Variants in CELF2 observed in about 807,000 individuals in gnomAD.
CELF2 encodes the protein CUG triplet repeat RNA-binding protein 2.
A neutral mutation model predicts 62.6 loss-of-function variants in CELF2; 8 were observed. The ratio of observed to expected loss-of-function variants is 0.13; its 90% CI spans 0.07 to 0.23. CELF2 has a LOEUF of 0.23. CELF2 is among the 10% of genes least tolerant of loss of function. CELF2 has a pLI of 1.00. For missense variants in CELF2, 333 were observed against 671.0 expected (o/e 0.50, Z 5.56); for synonymous variants, 258 against 250.0 (o/e 1.03, Z -0.30).
rs901213628 is a variant in CELF2, at chr10:11,333,560, T to TA, written c.*4514dup. Reference sequence around the variant, plus strand: ...GCTAATTAAAAAAAAAATAAAATTTTAAAAAAACCTGTAGTTTCATTACCT... The same window carrying TA: ...GCTAATTAAAAAAAAAATAAAATTTTAAAAAAAACCTGTAGTTTCATTACCT... On this transcript the variant is annotated 3_prime_UTR_variant, in exon 13 of 13. Transcript: ENST00000633077. 9 of 152,314 alleles carry TA rather than the reference T, an allele frequency of 5.9e-5. No homozygotes were observed. The highest frequency in any genetic ancestry group is 1.7e-4 in the African/African-American group (7 of 41,448). 9.4% of individuals were successfully genotyped at this position (152,314 alleles called of 1,614,324 possible).
chr10:11,216,817 T>C (rs2063483922), intron 2 of CELF2, among the ~76,000 whole-genome samples: 1 of 152,244 alleles, frequency 6.6e-6, no homozygotes, highest in South Asian at 2.1e-4. Flanking sequence ...TGTTTGGGCA[T>C]GTACCCATCT....
intron 1 of CELF2, among the ~76,000 whole-genome samples, chr10:10,907,406 A>T (rs536664834): frequency 6.6e-6 from 1 of 152,358 alleles, no homozygotes; most frequent in East Asian, 1.9e-4. Flanking sequence ...TTTTAAAAAA[A>T]GTTTTATTAC....
the CELF2 span, among the ~76,000 whole-genome samples, chr10:10,748,887 G>A: frequency 2.6e-5 from 4 of 152,160 alleles, no homozygotes; most frequent in African/African-American, 9.7e-5. Flanking sequence ...ACAGATGTGG[G>A]TGAATTGGAA....
intron 9 of CELF2, among the ~76,000 whole-genome samples, chr10:11,293,518 G>T (rs1486884738): frequency 6.6e-6 from 1 of 152,210 alleles, no homozygotes; most frequent in Admixed American, 6.5e-5. Flanking sequence ...TTCCTGAGGA[G>T]CTGTCGGGCT....
chr10:10,755,594 C>G, the CELF2 span, among the ~76,000 whole-genome samples: 156 of 152,208 alleles, frequency 1.0e-3, 6 homozygotes, highest in Admixed American at 0.01. Context: ...ACAAATGGTC[C>G]AAAGGGAAAA....
At position 10,936,896 on chromosome 10, in the gene CELF2, A is replaced by G. The variant is rs764432438; in HGVS notation, c.89+16897A>G. ...AATTCTGTATTTCTGACAAGCTCCC[A>G]CGGGGTTTCTGATGATTCTGGTCCT... On this transcript the variant is annotated intron_variant, in intron 2 of 13. Transcript: ENST00000636488. This position sits in a 1 kb window ranked among gnomAD's most constrained non-coding sequence, Gnocchi z 4.0. 6.6e-6 allele frequency among the ~76,000 whole-genome samples: 1 copy of G among 152,144 alleles called. No individual in the cohort carries two copies. Among genetic ancestry groups the G allele is most frequent in the Admixed American group, 6.5e-5 (1 of 15,278 alleles).
chr10:11,309,261 C>A lies in CELF2; in HGVS notation c.977-4878C>A, dbSNP rs1375847793. On this transcript the variant is annotated intron_variant, in intron 9 of 12. Transcript: ENST00000633077. This position sits in a 1 kb window ranked among gnomAD's most constrained non-coding sequence, Gnocchi z 5.6. ...GTTACAGCACTTCTGGGTGCTAATC[C>A]TCCTTACCCACTGCACATCACCCCT... Among the ~76,000 whole-genome samples, 1 of 152,190 alleles carries A rather than the reference C, an allele frequency of 6.6e-6. No homozygotes were observed. The highest frequency in any genetic ancestry group is 1.5e-5 in the Non-Finnish European group (1 of 68,046).
intron 2 of CELF2, among the ~76,000 whole-genome samples, chr10:10,940,798 G>T (rs2046967021): frequency 6.6e-6 from 1 of 152,170 alleles, no homozygotes; most frequent in South Asian, 2.1e-4. Context: ...GTAGGGAGAA[G>T]AAGGGTTGCA....
chr10:11,086,578 TAAAAAAA>T (rs1168932032), intron 1 of CELF2, among the ~76,000 whole-genome samples: 2,197 of 71,992 alleles, frequency 0.031, 36 homozygotes, highest in Middle Eastern at 0.064. Flanking sequence ...TTGCATTTGT[TAAAAAAA>T]AAAAAAAAAA....
the CELF2 span, among the ~76,000 whole-genome samples, chr10:10,754,034 G>GT: frequency 9.0e-6 from 1 of 110,622 alleles, no homozygotes; most frequent in African/African-American, 3.4e-5. Flanking sequence ...AATAAAGGTT[G>GT]TTTGGAGATT....
chr10:10,538,906 A>G, the CELF2 span, among the ~76,000 whole-genome samples: 5 of 152,194 alleles, frequency 3.3e-5, no homozygotes, highest in East Asian at 1.9e-4. Context: ...TTTGAGTGTC[A>G]TCCTTTGTTT....
rs924074607 is a variant in CELF2 at position 11,290,585 on chromosome 10, C to G, written c.976+2033C>G. 6.6e-6 allele frequency among the ~76,000 whole-genome samples: 1 copy of G among 150,960 alleles called. No individual in the cohort carries two copies. Among genetic ancestry groups the G allele is most frequent in the African/African-American group, 2.4e-5 (1 of 41,046 alleles). On this transcript the variant is annotated intron_variant, in intron 9 of 12. Transcript: ENST00000633077. The surrounding 1 kb of genome is among the most constrained non-coding windows in gnomAD (Gnocchi z 4.3). ...CTAGGGCGACGGCCTAGGTGTTAGT[C>G]GGAAAGGAATTTTAAATGTATGTGA...
the CELF2 span, among the ~76,000 whole-genome samples, chr10:10,501,000 T>C: frequency 4.6e-5 from 7 of 152,230 alleles, no homozygotes; most frequent in Admixed American, 1.3e-4. Flanking sequence ...GGATGTGCCA[T>C]AGTTGGTTTA....
At chr10:10,895,512 T>C (rs1274036935) in intron 1 of CELF2, among the ~76,000 whole-genome samples, 1 of 152,104 alleles carries the variant, frequency 6.6e-6, no homozygotes, top group African/African-American at 2.4e-5. Flanking sequence ...GGACCAGTAG[T>C]TGATCTGAAA....
intron 1 of CELF2, among the ~76,000 whole-genome samples, chr10:10,889,560 G>T (rs372338063): frequency 1.3e-5 from 2 of 152,174 alleles, no homozygotes; most frequent in African/African-American, 2.4e-5. Flanking sequence ...CAAGATTCAG[G>T]TGCTATGTCT....
intron 2 of CELF2, among the ~76,000 whole-genome samples, chr10:11,196,997 G>GGAGAAAGAAAGAAAGAAAGAAAGAAA (rs1565228587): frequency 5.4e-5 from 3 of 55,940 alleles, no homozygotes; most frequent in African/African-American, 2.1e-4. Context: ...AAGAAAGGAA[G>GGAGAAAGAAAGAAAGAAAGAAAGAAA]GAAGGAGAAA....
the CELF2 span, among the ~76,000 whole-genome samples, chr10:10,534,401 A>G: frequency 6.6e-6 from 1 of 152,154 alleles, no homozygotes; most frequent in Non-Finnish European, 1.5e-5. Flanking sequence ...TGATAGGGAC[A>G]AAGAGGGCAG....
chr10:10,748,479 TG>T, the CELF2 span, among the ~76,000 whole-genome samples: 1 of 152,090 alleles, frequency 6.6e-6, no homozygotes, highest in Non-Finnish European at 1.5e-5. Flanking sequence ...TCTGGCGCGG[TG>T]GCTCACGCCT....
rs553971598 is a variant in CELF2, at chr10:11,087,718, G to A, written c.74+69555G>A. ...ACAGAAACATCGTCTTATAACACACGCCTTTGAACCCCACCCTGCGTTGCT... is the reference window on the plus strand; with the variant it reads ...ACAGAAACATCGTCTTATAACACACACCTTTGAACCCCACCCTGCGTTGCT... On this transcript the variant is annotated intron_variant, in intron 1 of 12. Transcript: ENST00000633077. Among the ~76,000 whole-genome samples the A allele has an allele frequency of 4.6e-5, 7 of 152,212 alleles. No individual in the cohort carries two copies. The South Asian group carries it at 6.2e-4, about 14-fold the overall frequency.
Sources: allele counts gnomAD v4.1 joint callset (sites outside exome capture counted in the v4.1 genomes callset), GRCh38; gene constraint gnomAD v4.1.1; non-coding constraint Gnocchi (gnomAD v3.1); transcripts MANE v1.5; gene names NCBI Gene and HGNC (gene_info 2026-07-23, HGNC 2026-07-21).